RRP8: variants seen among roughly 807,000 people sequenced by gnomAD.
The protein encoded by RRP8 is ribosomal RNA processing 8, also known as ribosomal RNA-processing protein 8.
A neutral mutation model predicts 45.0 loss-of-function variants in RRP8; 48 were observed. The ratio of observed to expected loss-of-function variants is 1.07; its 90% CI spans 0.85 to 1.36. The LOEUF (loss-of-function observed/expected upper bound fraction) is 1.36. Ranked by LOEUF, RRP8 falls within the 40% of genes most tolerant of loss-of-function variation. The pLI is 0.00. For missense variants in RRP8, 658 were observed against 573.7 expected, an observed-to-expected ratio of 1.15 and a Z score of -1.50; for synonymous variants, 274 against 212.4, an observed-to-expected ratio of 1.29 and a Z score of -2.52.
At position 6,601,222 on chromosome 11, in the gene RRP8, G is replaced by T; in HGVS notation, c.844C>A (p.Arg282Ser). 2 of 1,611,988 alleles carry T rather than the reference G, an allele frequency of 1.2e-6. No homozygotes were observed. Among genetic ancestry groups the T allele is most frequent in the Non-Finnish European group, 1.7e-6 (2 of 1,179,028 alleles). Residue 282 changes from arginine (R) to serine (S), a missense_variant, in exon 3 of 7, where the codon CGC becomes AGC. Transcript: ENST00000254605. The stretch of plus-strand genomic sequence containing the variant: ...TTCTTCACTTGGCTCTGGAAGCCGC[G>T]GTGGTAGAGAAGAAAAGCCTCAGGG... ...EDPEAFLLYH[R>S]GFQSQVKKWP... is the part of the protein sequence containing the mutation.
At position 6,596,150 on chromosome 11, in the gene RRP8, T is replaced by C. The variant is rs768772061; in HGVS notation, c.*3996A>G. 2 of 152,244 alleles carry C rather than the reference T, an allele frequency of 1.3e-5. No individual in the cohort carries two copies. The highest frequency in any genetic ancestry group is 2.9e-5 in the Non-Finnish European group (2 of 68,048). 9.4% of individuals were successfully genotyped at this position (152,244 alleles called of 1,614,324 possible). On this transcript the variant is annotated 3_prime_UTR_variant, in exon 7 of 7. Coordinates refer to ENST00000254605, the MANE Select transcript of RRP8 (RefSeq NM_015324.4). Reference sequence around the variant, plus strand: ...AGCTGGGAAATGCAGTTTACCTGTGTCCAGAAAGAGGACATTTGGGTGAGC... The same window carrying C: ...AGCTGGGAAATGCAGTTTACCTGTGCCCAGAAAGAGGACATTTGGGTGAGC...
At position 6,603,593 on chromosome 11, in the gene RRP8, C is replaced by T. The variant is rs1854519162; in HGVS notation, c.-91G>A. 7.6e-6 allele frequency: 6 copies of T among 785,902 alleles called. No homozygotes were observed. Among genetic ancestry groups the T allele is most frequent in the Non-Finnish European group, 1.2e-5 (6 of 513,138 alleles). The allele number at this position is 785,902 out of a possible 1,614,324, so 48.7% of individuals were successfully genotyped here. On this transcript the variant is annotated 5_prime_UTR_variant, in exon 1 of 7. Coordinates refer to ENST00000254605, the MANE Select transcript of RRP8 (RefSeq NM_015324.4). Reference sequence around the variant, plus strand: ...GTCGGAGCGCTCAGACCTGCCAGAACCGACCCGGAAACCAAAGCGTGACAG... The same window carrying T: ...GTCGGAGCGCTCAGACCTGCCAGAATCGACCCGGAAACCAAAGCGTGACAG...
chr11:6,602,700 G>A (rs548497425), intron 1 of RRP8, among the ~76,000 whole-genome samples: 4 of 152,350 alleles, frequency 2.6e-5, no homozygotes, highest in Admixed American at 2.0e-4. Flanking sequence ...CAATGGTAAT[G>A]GGGCTAGGGG....
At chr11:6,601,819 C>T (rs1413794315) in intron 2 of RRP8, 33 bp downstream of exon 2, 1 of 1,565,302 alleles carries the variant, frequency 6.4e-7, no homozygotes, top group Non-Finnish European at 8.7e-7. Context: ...CACACACACA[C>T]CAACACACAC....
rs778075365 is a variant in RRP8 at position 6,601,150 on chromosome 11, G to T, written c.916C>A (p.Arg306=). The T allele has an allele frequency of 6.2e-7, 1 of 1,613,686 alleles. No homozygotes were observed. Residue 306 remains arginine, a splice_region_variant and synonymous_variant, in exon 3 of 7, where the codon CGG becomes AGG. Coordinates refer to ENST00000254605, the MANE Select transcript of RRP8 (RefSeq NM_015324.4). Reference sequence around the variant, plus strand: ...TCACAGTCCCTGACCCCCATTCACCGCTGGCGAAGATCCCTGGCGATGCGG... The same window carrying T: ...TCACAGTCCCTGACCCCCATTCACCTCTGGCGAAGATCCCTGGCGATGCGG... ...VDRIARDLRQ[R]PASLVVADFG...
rs1294436767 is a variant in RRP8, at chr11:6,603,612, G to T, written c.-110C>A. Reference sequence around the variant, plus strand: ...CCAGAACCGACCCGGAAACCAAAGCGTGACAGCCAGGGGTTGCTAGAGCGG... The same window carrying T: ...CCAGAACCGACCCGGAAACCAAAGCTTGACAGCCAGGGGTTGCTAGAGCGG... On this transcript the variant is annotated 5_prime_UTR_variant, in exon 1 of 7. Transcript: ENST00000254605. 7 of 641,618 alleles carry T rather than the reference G, an allele frequency of 1.1e-5. No individual in the cohort carries two copies. Among genetic ancestry groups the T allele is most frequent in the Non-Finnish European group, 1.8e-5 (7 of 390,598 alleles). The allele number at this position is 641,618 out of a possible 1,614,324, so 39.7% of individuals were successfully genotyped here.
Position 6,600,513 on chromosome 11 carries a change from G to C in RRP8, c.1224C>G (p.Thr408=). 6.2e-7 allele frequency: 1 copy of C among 1,613,754 alleles called. No individual in the cohort carries two copies. Among genetic ancestry groups the C allele is most frequent in the Non-Finnish European group, 8.5e-7 (1 of 1,180,024 alleles). ...EDVRTFLRAV[T]KLGFKIVSKD... ...TGGAGACAATCTTGAAGCCTAGCTT[G>C]GTCACAGCCCGCAGAAAGGTTCGAA... The change falls in exon 6 of 7, where the codon ACC becomes ACG. Residue 408 remains threonine, a synonymous_variant. Transcript: ENST00000254605.
At position 6,603,437 on chromosome 11, in the gene RRP8, T is replaced by A. The variant is rs897209805; in HGVS notation, c.66A>T (p.Ser22=). Residue 22 remains serine (S), a synonymous_variant, in exon 1 of 7, where the codon TCA becomes TCT. Coordinates refer to ENST00000254605, the MANE Select transcript of RRP8 (RefSeq NM_015324.4). ...GCGAGGAGGCCGCAGGCGGAGGTCG[T>A]GAGATTACGGGCCCAAGGCCCGCGG... The part of the protein sequence containing the change: ...PVAAGLGPVI[S]RPPPAASSQN... 5 of 1,597,626 alleles carry A rather than the reference T, an allele frequency of 3.1e-6. No individual in the cohort carries two copies. The African/African-American group carries it at 5.4e-5, about 17-fold the overall frequency.
At position 6,600,749 on chromosome 11, in the gene RRP8, A is replaced by G; in HGVS notation, c.1074T>C (p.Asp358=). The change falls in exon 5 of 7, where the codon GAT becomes GAC. Residue 358 remains aspartate (D), a synonymous_variant. Coordinates refer to ENST00000254605, the MANE Select transcript of RRP8 (RefSeq NM_015324.4). ...TCAGTGAAAGGCAAAACACAGCCAC[A>G]TCCACAGACTCATCCTCCAGAGGAA... ...AQVPLEDESV[D]VAVFCLSLMG... 2 of 1,614,100 alleles carry G rather than the reference A, an allele frequency of 1.2e-6. No individual in the cohort carries two copies. The highest frequency in any genetic ancestry group is 1.7e-6 in the Non-Finnish European group (2 of 1,180,010).
At chr11:6,602,345 A>G in intron 1 of RRP8, 130 bp from the exon 2 acceptor site, 1 of 1,134,964 alleles carries the variant, frequency 8.8e-7, no homozygotes. Context: ...AGCCTGCCAG[A>G]ACCCAGAAGA....
At position 6,602,143 on chromosome 11, in the gene RRP8, T is replaced by TG; in HGVS notation, c.171dup (p.Ser58GlnfsTer6). ...TCCTCAGAGTCACTTATACATAGGC[T>TG]GGGGGGATGCTGGGAAAGAGATGCT... On this transcript the variant is annotated frameshift_variant, in exon 2 of 7. Transcript: ENST00000254605. LOFTEE classifies it high-confidence loss of function. 1.2e-6 allele frequency: 2 copies of TG among 1,606,554 alleles called. No individual in the cohort carries two copies. The highest frequency in any genetic ancestry group is 1.7e-6 in the Non-Finnish European group (2 of 1,175,016).
At chr11:6,602,521 C>T (rs887343975) in intron 1 of RRP8, among the ~76,000 whole-genome samples, 6 of 152,196 alleles carry the variant, frequency 3.9e-5, no homozygotes, top group African/African-American at 1.2e-4. Flanking sequence ...AACCCTTCAC[C>T]TTGAGCTTTT....
rs1237626558 is a variant in RRP8, at chr11:6,598,700, A to T, written c.*1446T>A. 2.0e-5 allele frequency: 3 copies of T among 152,264 alleles called. No homozygotes were observed. The highest frequency in any genetic ancestry group is 4.4e-5 in the Non-Finnish European group (3 of 68,084). 9.4% of individuals were successfully genotyped at this position (152,264 alleles called of 1,614,324 possible). ...GTGCCTGCCTAATGATTCACAGCCC[A>T]GCCTCCAAACATGCCCTCTGGACTA... On this transcript the variant is annotated 3_prime_UTR_variant, in exon 7 of 7. Transcript: ENST00000254605.
chr11:6,601,813 C>A, intron 2 of RRP8, 39 bp downstream of exon 2: 1 of 1,552,980 alleles, frequency 6.4e-7, no homozygotes, highest in Non-Finnish European at 8.7e-7. Context: ...CCCCGACACA[C>A]ACACACCAAC....
Position 6,603,475 on chromosome 11 carries a change from C to T in RRP8, c.28G>A (p.Ala10Thr), listed in dbSNP as rs774650029. The T allele has an allele frequency of 1.9e-6, 3 of 1,597,544 alleles. No individual in the cohort carries two copies. Among genetic ancestry groups the T allele is most frequent in the East Asian group, 2.3e-5 (1 of 44,242 alleles). ...CCAAGGCCCGCGGCTACTGGGGCCG[C>T]CTCGGCCCACTCAGGCTCTTCGAAC... is the stretch of plus-strand genomic sequence containing the variant. MFEEPEWAE[A>T]APVAAGLGPV... The change falls in exon 1 of 7, where the codon GCG (alanine) becomes ACG (threonine). Residue 10 changes from alanine to threonine, a missense_variant. Coordinates refer to ENST00000254605, the MANE Select transcript of RRP8 (RefSeq NM_015324.4).
chr11:6,602,734 G>A (rs1038589321), intron 1 of RRP8, among the ~76,000 whole-genome samples: 1 of 152,206 alleles, frequency 6.6e-6, no homozygotes, highest in Non-Finnish European at 1.5e-5. Flanking sequence ...AAACAAAGCA[G>A]GCCGATTCCA....
Position 6,601,024 on chromosome 11 carries a change from A to G in RRP8, c.949T>C (p.Cys317Arg). ...CTTGAAGCCAAGCGGCAATCCCCAC[A>G]GCCGAAGTCAGCCACCACTAGGGAT... ...PASLVVADFG[C>R]GDCRLASSIR... is the part of the protein sequence containing the mutation. The change falls in exon 4 of 7, where the codon TGT becomes CGT. Residue 317 changes from cysteine (C) to arginine (R), a missense_variant. Cys to Arg is a radical substitution (Grantham distance 180). Transcript: ENST00000254605. 1 of 1,614,198 alleles carries G rather than the reference A, an allele frequency of 6.2e-7. No individual in the cohort carries two copies. Among genetic ancestry groups the G allele is most frequent in the South Asian group, 1.1e-5 (1 of 91,082 alleles).
At position 6,600,952 on chromosome 11, in the gene RRP8, T is replaced by A. The variant is rs745859491; in HGVS notation, c.1021A>T (p.Arg341Trp). ...HCFDLASLDP[R>W]VTVCDMAQVP... ...TGGGCCATGTCACACACAGTGACCCTAGGGTCCAGAGAAGCCAAGTCAAAG... is the reference window on the plus strand; with the variant it reads ...TGGGCCATGTCACACACAGTGACCCAAGGGTCCAGAGAAGCCAAGTCAAAG... Residue 341 changes from arginine (R) to tryptophan (W), a missense_variant, in exon 4 of 7, where the codon AGG becomes TGG. Transcript: ENST00000254605. The A allele has an allele frequency of 6.2e-7, 1 of 1,614,108 alleles. No homozygotes were observed. Among genetic ancestry groups the A allele is most frequent in the Admixed American group, 1.7e-5 (1 of 60,022 alleles).
At position 6,603,531 on chromosome 11, in the gene RRP8, C is replaced by T; in HGVS notation, c.-29G>A. The T allele has an allele frequency of 6.3e-6, 9 of 1,418,546 alleles. No homozygotes were observed. The highest frequency in any genetic ancestry group is 1.2e-5 in the South Asian group (1 of 80,538). The allele number at this position is 1,418,546 out of a possible 1,614,324, so 87.9% of individuals were successfully genotyped here. On this transcript the variant is annotated 5_prime_UTR_variant, in exon 1 of 7. Coordinates refer to ENST00000254605, the MANE Select transcript of RRP8 (RefSeq NM_015324.4). ...GGTCGGGAGGGCAGGGTCGCCGAGT[C>T]CCCGCTCTTCTCCACGTGCACAGCG...
Sources: allele counts gnomAD v4.1 joint callset (sites outside exome capture counted in the v4.1 genomes callset), GRCh38; gene constraint gnomAD v4.1.1; transcripts MANE v1.5; gene names NCBI Gene and HGNC (gene_info 2026-07-23, HGNC 2026-07-21).